Variants in DLG2 observed in about 807,000 individuals in gnomAD.
The protein encoded by DLG2 is discs large MAGUK scaffold protein 2, also known as disks large homolog 2.
In DLG2, 45 loss-of-function variants were observed where a neutral mutation model predicts 132.5. That is an observed-to-expected ratio of 0.34 (90% confidence interval 0.27 to 0.44). The LOEUF is 0.44. Among genes scored for constraint, DLG2 ranks in the 20% least tolerant of loss-of-function variants. The pLI is 1.00. For synonymous variants in DLG2, 424 were observed against 419.6 expected (o/e 1.01, Z -0.13); for missense variants, 1,045 against 1,196.9 (o/e 0.87, Z 1.87).
chr11:83,997,727 T>C (rs1208472979), intron 11 of DLG2, among the ~76,000 whole-genome samples: 4 of 41,654 alleles, frequency 9.6e-5, no homozygotes, highest in African/African-American at 5.0e-4. Flanking sequence ...CAAGACTCCA[T>C]CTCAAAAAAA....
chr11:85,080,004 G>C (rs1421196737), intron 6 of DLG2, among the ~76,000 whole-genome samples: 1 of 152,010 alleles, frequency 6.6e-6, no homozygotes, highest in Non-Finnish European at 1.5e-5. Flanking sequence ...GGATGGAAAG[G>C]GGCCATGTAA....
chr11:85,495,439 A>T (rs1326519252), intron 3 of DLG2, among the ~76,000 whole-genome samples: 1 of 152,214 alleles, frequency 6.6e-6, no homozygotes, highest in African/African-American at 2.4e-5. Flanking sequence ...ATTTAAAAGA[A>T]AAAACAAACA....
At chr11:84,887,784 T>C (rs2088584848) in intron 6 of DLG2, among the ~76,000 whole-genome samples, 1 of 152,068 alleles carries the variant, frequency 6.6e-6, no homozygotes, top group African/African-American at 2.4e-5. Flanking sequence ...AATCTAGGTC[T>C]ATCTGCCTCC....
At chr11:84,736,927 G>T (rs545913381) in intron 6 of DLG2, among the ~76,000 whole-genome samples, 1 of 152,076 alleles carries the variant, frequency 6.6e-6, no homozygotes, top group Admixed American at 6.5e-5. Flanking sequence ...GGATATCCCT[G>T]TTCCTGATCT....
chr11:83,739,292 A>C (rs1372326816), intron 18 of DLG2, among the ~76,000 whole-genome samples: 1 of 152,178 alleles, frequency 6.6e-6, no homozygotes, highest in Non-Finnish European at 1.5e-5. Flanking sequence ...CAAAGTACTT[A>C]AAAAGAGGTG....
chr11:85,561,331 CAAAAAAAAAAAAAAAAAAAAAA>C (rs1162562595), intron 3 of DLG2, among the ~76,000 whole-genome samples: 8 of 12,502 alleles, frequency 6.4e-4, no homozygotes, highest in East Asian at 3.5e-3. Flanking sequence ...GACCCTATCT[CAAAAAAAAAAAAAAAAAAAAAA>C]AAAAAAAAAA....
chr11:84,717,716 G>A (rs1238807542), intron 6 of DLG2, among the ~76,000 whole-genome samples: 3 of 152,046 alleles, frequency 2.0e-5, no homozygotes, highest in African/African-American at 7.2e-5. Context: ...CTTAATAACA[G>A]TGGGAGCAGT....
intron 18 of DLG2, among the ~76,000 whole-genome samples, chr11:83,739,933 G>T (rs1389998381): frequency 6.6e-6 from 1 of 152,196 alleles, no homozygotes; most frequent in Non-Finnish European, 1.5e-5. Flanking sequence ...CATCTGGGTG[G>T]ATGGAGAACC....
intron 6 of DLG2, among the ~76,000 whole-genome samples, chr11:84,641,348 G>C (rs2099663857): frequency 6.6e-6 from 1 of 152,198 alleles, no homozygotes; most frequent in Non-Finnish European, 1.5e-5. Context: ...CTAACCCATA[G>C]TAAGCGCTCA....
intron 11 of DLG2, among the ~76,000 whole-genome samples, chr11:83,997,233 A>C (rs903029805): frequency 6.6e-6 from 1 of 152,162 alleles, no homozygotes; most frequent in Non-Finnish European, 1.5e-5. Flanking sequence ...CAATTCAGGC[A>C]TTCTATTACT....
chr11:83,613,216 G>A (rs2060357115), intron 19 of DLG2, among the ~76,000 whole-genome samples: 1 of 152,188 alleles, frequency 6.6e-6, no homozygotes, highest in Admixed American at 6.5e-5. Context: ...ATGGAGTCGG[G>A]AAGACTGGAG....
intron 18 of DLG2, among the ~76,000 whole-genome samples, chr11:83,781,058 C>T (rs1594245272): frequency 6.6e-6 from 1 of 152,330 alleles, no homozygotes; most frequent in Non-Finnish European, 1.5e-5. Context: ...TAAGAAGGCT[C>T]TCATTTAATA....
chr11:85,084,334 G>A (rs942822786), intron 6 of DLG2, among the ~76,000 whole-genome samples: 2 of 152,124 alleles, frequency 1.3e-5, no homozygotes, highest in African/African-American at 4.8e-5. Context: ...AGAATATGTG[G>A]TACAGATGCA....
rs147928799 is a variant in DLG2 at position 83,879,094 on chromosome 11, T to G, written c.1497-4606A>C. Among the ~76,000 whole-genome samples the G allele has an allele frequency of 6.3e-4, 96 of 152,328 alleles. No homozygotes were observed. In the East Asian group the frequency reaches 0.013, roughly 21 times the overall value. On this transcript the variant is annotated intron_variant, in intron 15 of 27. Transcript: ENST00000376104. ...ATGTATTCCCATTGCTGTGCTTAAT[T>G]AAGAAATTTTTGAGCATCTGAATTG...
chr11:84,560,397 C>T (rs2099424035), intron 6 of DLG2, among the ~76,000 whole-genome samples: 2 of 152,092 alleles, frequency 1.3e-5, no homozygotes, highest in Non-Finnish European at 2.9e-5. Flanking sequence ...AAACACCCAG[C>T]TGAAAGGCAA....
At chr11:84,281,979 T>C (rs2097858779) in intron 7 of DLG2, among the ~76,000 whole-genome samples, 1 of 152,174 alleles carries the variant, frequency 6.6e-6, no homozygotes, top group South Asian at 2.1e-4. Flanking sequence ...AAGTTAAATA[T>C]GTACCTACCC....
intron 3 of DLG2, among the ~76,000 whole-genome samples, chr11:85,523,866 C>T (rs192264622): frequency 6.1e-4 from 93 of 152,072 alleles, no homozygotes; most frequent in Middle Eastern, 3.4e-3. Context: ...AAAGAAAATG[C>T]GGTACATATA....
chr11:84,558,461 G>C (rs1445344142), intron 6 of DLG2, among the ~76,000 whole-genome samples: 1 of 152,054 alleles, frequency 6.6e-6, no homozygotes, highest in Admixed American at 6.6e-5. Context: ...CTTGTATAAG[G>C]AAACAAGCAG....
chr11:83,508,177 C>T (rs1352779166), intron 21 of DLG2, among the ~76,000 whole-genome samples: 3 of 151,910 alleles, frequency 2.0e-5, no homozygotes, highest in Non-Finnish European at 4.4e-5. Flanking sequence ...AGTTGATACT[C>T]AGTATTAACC....
Sources: gnomAD v4.1 joint callset for allele counts (sites outside exome capture counted in the v4.1 genomes callset) on GRCh38, gnomAD v4.1.1 for gene constraint, MANE v1.5 for transcripts, NCBI Gene and HGNC (gene_info 2026-07-23, HGNC 2026-07-21) for gene names.